FAT2: variants seen among roughly 807,000 people sequenced by gnomAD.
The protein encoded by FAT2 is protocadherin Fat 2.
FAT2 carries 150 observed loss-of-function variants against 295.3 expected under a neutral mutation model. The ratio of observed to expected loss-of-function variants is 0.51; its 90% CI spans 0.44 to 0.58. FAT2 has a LOEUF of 0.58. Among genes scored for constraint, FAT2 ranks in the 20% least tolerant of loss-of-function variants. The pLI, the probability that FAT2 is intolerant of heterozygous loss-of-function variation, is 0.00. For synonymous variants in FAT2, 2,026 were observed against 2,150.3 expected (o/e 0.94, Z 1.60); for missense variants, 4,868 against 5,442.7 (o/e 0.89, Z 3.32).
At position 151,567,333 on chromosome 5, in the gene FAT2, T is replaced by C. The variant is rs770359130; in HGVS notation, c.1599A>G (p.Val533=). 2 of 1,614,226 alleles carry C rather than the reference T, an allele frequency of 1.2e-6. No homozygotes were observed. The highest frequency in any genetic ancestry group is 1.7e-6 in the Non-Finnish European group (2 of 1,180,030). Residue 533 remains valine (V), a synonymous_variant, in exon 2 of 24, where the codon GTA becomes GTG. Transcript: ENST00000261800. ...AAGGGGATCCCCAGTCTGATGCTCTTACCCGGAAGGTATAAATTCTTTTCA... is the reference window on the plus strand; with the variant it reads ...AAGGGGATCCCCAGTCTGATGCTCTCACCCGGAAGGTATAAATTCTTTTCA... ...ELMKRIYTFR[V]RASDWGSPFR... is the part of the protein sequence containing the mutation.
chr5:151,558,781 G>A (rs879649383), intron 3 of FAT2, among the ~76,000 whole-genome samples: 57 of 152,240 alleles, frequency 3.7e-4, no homozygotes, highest in African/African-American at 1.4e-3. Flanking sequence ...ATAGAGAGGG[G>A]GCTCCTCTGG....
chr5:151,546,243 C>T lies in FAT2; in HGVS notation c.4884G>A (p.Leu1628=). 1 of 1,614,160 alleles carries T rather than the reference C, an allele frequency of 6.2e-7. No individual in the cohort carries two copies. The highest frequency in any genetic ancestry group is 8.5e-7 in the Non-Finnish European group (1 of 1,180,020). The change falls in exon 10 of 24, where the codon CTG becomes CTA. Residue 1628 remains leucine, a synonymous_variant. Coordinates refer to ENST00000261800, the MANE Select transcript of FAT2 (RefSeq NM_001447.3). The stretch of plus-strand genomic sequence containing the variant: ...AGCCTTGATCTTCTGCCTTCACTGT[C>T]AGAGTATGTGGGGCATGATTTGCCT... ...LDQANHAPHT[L]TVKAEDQGSP...
At chr5:151,511,755 C>A (rs1761341263) in intron 21 of FAT2, 1 of 179,950 alleles carries the variant, frequency 5.6e-6, no homozygotes, top group East Asian at 1.4e-4. Context: ...ATATGAAAAA[C>A]AACATGTATT....
intron 21 of FAT2, chr5:151,510,799 G>A (rs560449112): frequency 6.6e-6 from 1 of 152,514 alleles, no homozygotes; most frequent in African/African-American, 2.4e-5. Context: ...CAAGAAGCTA[G>A]AGGGCAAAGA....
intron 1 of FAT2, among the ~76,000 whole-genome samples, chr5:151,577,888 A>C (rs1415512843): frequency 6.6e-6 from 1 of 151,984 alleles, no homozygotes; most frequent in Non-Finnish European, 1.5e-5. Flanking sequence ...TCAGAACTGG[A>C]GGGCCTGGGG....
At position 151,568,488 on chromosome 5, in the gene FAT2, GAA is replaced by G. The variant is rs1758386645; in HGVS notation, c.442_443del (p.Phe148LeufsTer11). 2 of 1,614,044 alleles carry G rather than the reference GAA, an allele frequency of 1.2e-6. No homozygotes were observed. Among genetic ancestry groups the G allele is most frequent in the Non-Finnish European group, 1.7e-6 (2 of 1,180,038 alleles). ...ILDQNDLKPL[F>X]SPPSYRVTIS... The stretch of plus-strand genomic sequence containing the variant: ...TGGTGACTCTGTACGAAGGTGGAGA[GAA>G]GAGAGGCTTCAGGTCATTCTGGTCC... On this transcript the variant is annotated frameshift_variant, in exon 2 of 24. Coordinates refer to ENST00000261800, the MANE Select transcript of FAT2 (RefSeq NM_001447.3). LOFTEE classifies it high-confidence loss of function.
intron 3 of FAT2, among the ~76,000 whole-genome samples, chr5:151,560,470 C>T (rs1332584167): frequency 6.6e-6 from 1 of 152,290 alleles, no homozygotes; most frequent in East Asian, 1.9e-4. Context: ...TCAGATAGCA[C>T]CTGTGTCGTC....
chr5:151,504,935 G>A lies in FAT2; in HGVS notation c.*630C>T, dbSNP rs1257208100. 1 of 152,928 alleles carries A rather than the reference G, an allele frequency of 6.5e-6. No homozygotes were observed. Among genetic ancestry groups the A allele is most frequent in the Non-Finnish European group, 1.5e-5 (1 of 68,598 alleles). 9.5% of individuals were successfully genotyped at this position (152,928 alleles called of 1,614,324 possible). On this transcript the variant is annotated 3_prime_UTR_variant, in exon 24 of 24. Coordinates refer to ENST00000261800, the MANE Select transcript of FAT2 (RefSeq NM_001447.3). ...CCTGGTGGTGCTCCTCGGAGTCCTTGTTGCCCTCCATCACCATTTTCTCCC... is the reference window on the plus strand; with the variant it reads ...CCTGGTGGTGCTCCTCGGAGTCCTTATTGCCCTCCATCACCATTTTCTCCC...
At chr5:151,513,974 A>G (rs910872222) in intron 20 of FAT2, among the ~76,000 whole-genome samples, 1 of 152,212 alleles carries the variant, frequency 6.6e-6, no homozygotes, top group Non-Finnish European at 1.5e-5. Context: ...ACTGGGTTAA[A>G]ACATTTTAAT....
In FAT2 at chr5:151,540,720, A is replaced by G; in HGVS notation, c.8886T>C (p.Asp2962=). The change falls in exon 11 of 24, where the codon GAT becomes GAC. Residue 2962 remains aspartate, a synonymous_variant. Transcript: ENST00000261800. ...LGQFGISQVG[D]EWRISSRKTL... The stretch of plus-strand genomic sequence containing the variant: ...TCTTCCTTGAGGAAATCCTCCACTC[A>G]TCTCCAACTTGGCTGATGCCAAACT... 1 of 1,614,110 alleles carries G rather than the reference A, an allele frequency of 6.2e-7. No homozygotes were observed. The highest frequency in any genetic ancestry group is 8.5e-7 in the Non-Finnish European group (1 of 1,179,998).
Position 151,544,268 on chromosome 5 carries a change from C to A in FAT2, c.6859G>T (p.Ala2287Ser). 6.2e-7 allele frequency: 1 copy of A among 1,614,174 alleles called. No individual in the cohort carries two copies. The highest frequency in any genetic ancestry group is 8.5e-7 in the Non-Finnish European group (1 of 1,180,020). Residue 2287 changes from alanine (A) to serine (S), a missense_variant, in exon 10 of 24, where the codon GCT (alanine) becomes TCT (serine). Ala to Ser is a moderately conservative substitution (Grantham distance 99). Transcript: ENST00000261800. ...AACAGTTGGATCACAGGGGTCTGAGCAGGCAAGCCTTCTGAGATGGAAGTG... is the reference window on the plus strand; with the variant it reads ...AACAGTTGGATCACAGGGGTCTGAGAAGGCAAGCCTTCTGAGATGGAAGTG... ...YTTSISEGLP[A>S]QTPVIQLLAS...
chr5:151,572,701 G>A (rs574250852), intron 1 of FAT2, among the ~76,000 whole-genome samples: 1 of 152,366 alleles, frequency 6.6e-6, no homozygotes, highest in East Asian at 1.9e-4. Flanking sequence ...CAAAACTCAA[G>A]ACATATTCGT....
chr5:151,531,522 A>G lies in FAT2; in HGVS notation c.9811+65T>C, dbSNP rs1159764950. ...CACAGGGTAGATACCCACACAGGGG[A>G]GGAACCCAGCGCTCCCAGAAACCCT... On this transcript the variant is annotated intron_variant, in intron 14 of 23. Transcript: ENST00000261800. The surrounding 1 kb of genome is among the most constrained non-coding windows in gnomAD (Gnocchi z 5.7). 1.6e-5 allele frequency: 25 copies of G among 1,592,716 alleles called. No individual in the cohort carries two copies. Among genetic ancestry groups the G allele is most frequent in the Non-Finnish European group, 2.1e-5 (25 of 1,168,730 alleles).
chr5:151,569,029 G>T (rs1758419157), intron 1 of FAT2, 78 bp from the exon 2 acceptor site: 1 of 1,364,246 alleles, frequency 7.3e-7, no homozygotes, highest in Non-Finnish European at 9.9e-7. Context: ...AACTGGAGGT[G>T]ATTTTGACCC....
Position 151,565,655 on chromosome 5 carries a change from C to T in FAT2, c.3259+18G>A. The T allele has an allele frequency of 6.7e-7, 1 of 1,483,846 alleles. No individual in the cohort carries two copies. Among genetic ancestry groups the T allele is most frequent in the Non-Finnish European group, 9.2e-7 (1 of 1,090,532 alleles). The allele number at this position is 1,483,846 out of a possible 1,614,324, so 91.9% of individuals were successfully genotyped here. On this transcript the variant is annotated intron_variant, in intron 2 of 23. Transcript: ENST00000261800. ...CTACCTCTGGCCCTGGCACCCCACC[C>T]TACCCCACCCCCAGTACCTGTATCT... is the stretch of plus-strand genomic sequence containing the variant.
At chr5:151,532,877 G>C (rs763301540) in intron 13 of FAT2, among the ~76,000 whole-genome samples, 2 of 152,210 alleles carry the variant, frequency 1.3e-5, no homozygotes, top group Non-Finnish European at 2.9e-5. Flanking sequence ...TGGTGGAATG[G>C]TGACAGGAGT....
chr5:151,508,865 GA>G (rs1761097879), intron 22 of FAT2, among the ~76,000 whole-genome samples: 1 of 152,172 alleles, frequency 6.6e-6, no homozygotes, highest in Non-Finnish European at 1.5e-5. Context: ...GGGATCCACT[GA>G]GAGCTTGTTA....
chr5:151,545,137 A>C lies in FAT2; in HGVS notation c.5990T>G (p.Leu1997Trp). The change falls in exon 10 of 24, where the codon TTG (leucine) becomes TGG (tryptophan). Residue 1997 changes from leucine (L) to tryptophan (W), a missense_variant. Around this residue, in one of 5 missense-constraint regions of FAT2, gnomAD observed 3,297 missense variants for 3,669.4 expected, o/e 0.90. Transcript: ENST00000261800. ...LVILGAQGNHLNDTLSYFLLN... is the reference protein window; with the variant it reads ...LVILGAQGNHWNDTLSYFLLN... ...GAGAAAGTAGGAAAGGGTGTCATTC[A>C]AATGATTGCCCTGGGCACCAAGAAT... The C allele has an allele frequency of 6.2e-7, 1 of 1,614,174 alleles. No individual in the cohort carries two copies. Among genetic ancestry groups the C allele is most frequent in the South Asian group, 1.1e-5 (1 of 91,076 alleles).
chr5:151,588,027 C>T (rs1759245061), intron 1 of FAT2, among the ~76,000 whole-genome samples: 1 of 152,206 alleles, frequency 6.6e-6, no homozygotes, highest in South Asian at 2.1e-4. Flanking sequence ...AGCAATGATT[C>T]TTCAAGGGAG....
Sources: gnomAD v4.1 joint callset for allele counts (sites outside exome capture counted in the v4.1 genomes callset) on GRCh38, gnomAD v4.1.1 for gene constraint, gnomAD v4.1.1 regional missense constraint, Gnocchi (gnomAD v3.1) non-coding constraint, MANE v1.5 for transcripts, NCBI Gene and HGNC (gene_info 2026-07-23, HGNC 2026-07-21) for gene names.